The following CCDC169 variants were observed in gnomAD, a reference collection of about 807,000 sequenced individuals.
CCDC169 encodes the protein coiled-coil domain-containing protein 169.
In CCDC169, 30 loss-of-function variants were observed where a neutral mutation model predicts 36.0. The observed-to-expected ratio is 0.83, with a 90% CI of 0.62 to 1.13. CCDC169 has a LOEUF of 1.13. CCDC169 is among the 50% of genes most tolerant of loss of function. The pLI is 0.00. For synonymous variants in CCDC169, 85 were observed against 81.5 expected (o/e 1.04, Z -0.23); for missense variants, 245 against 245.9 (o/e 1.00, Z 0.03).
At chr13:36,223,345 C>A (rs1869709328), downstream of CCDC169, 1 of 152,162 alleles carries the variant, frequency 6.6e-6, no homozygotes, top group South Asian at 2.1e-4. Flanking sequence ...CACCTAATCT[C>A]TGCTTAAGCA....
chr13:36,240,681 A>G, intron 7 of CCDC169: 1 of 1,182,708 alleles, frequency 8.5e-7, no homozygotes, highest in Middle Eastern at 2.3e-4. Flanking sequence ...TCATAAGCAG[A>G]AAAAAATGAG....
chr13:36,248,982 T>C (rs936169465), intron 6 of CCDC169, among the ~76,000 whole-genome samples: 1 of 152,108 alleles, frequency 6.6e-6, no homozygotes, highest in Non-Finnish European at 1.5e-5. Context: ...TAGTAGACAC[T>C]AAATATAGAT....
At chr13:36,232,533 T>G (rs898542509) in intron 7 of CCDC169, among the ~76,000 whole-genome samples, 1 of 152,060 alleles carries the variant, frequency 6.6e-6, no homozygotes, top group Non-Finnish European at 1.5e-5. Flanking sequence ...GGCTCTCACC[T>G]GTAATCCCAG....
intron 7 of CCDC169, among the ~76,000 whole-genome samples, chr13:36,248,196 A>G (rs185553886): frequency 1.8e-4 from 28 of 152,304 alleles, no homozygotes; most frequent in Non-Finnish European, 4.4e-5. Flanking sequence ...AAAAACTTTT[A>G]TATATACTAA....
downstream of CCDC169, chr13:36,225,146 T>G (rs1869799036): frequency 6.6e-6 from 1 of 151,850 alleles, no homozygotes; most frequent in Admixed American, 6.6e-5. Context: ...TACCTCAAGA[T>G]GAATTAAAGA....
At chr13:36,294,295 T>C (rs1269780016) in intron 2 of CCDC169, among the ~76,000 whole-genome samples, 4 of 152,226 alleles carry the variant, frequency 2.6e-5, no homozygotes, top group African/African-American at 9.6e-5. Context: ...CCTGTGAGCA[T>C]GCCTTCTGTT....
chr13:36,280,971 A>G, intron 4 of CCDC169: 1 of 179,322 alleles, frequency 5.6e-6, no homozygotes, highest in Non-Finnish European at 1.2e-5. Context: ...CATATGATAC[A>G]GTTCTAACTC....
At position 36,235,735 on chromosome 13, in the gene CCDC169, A is replaced by G. The variant is rs140352382; in HGVS notation, c.546-4443T>C. On this transcript the variant is annotated intron_variant, in intron 7 of 7. Transcript: ENST00000239859. ...CATGTTCTTATATATAGAAAATACT[A>G]AGGCATACACATTCACATACAGACA... is the stretch of plus-strand genomic sequence containing the variant. Among the ~76,000 whole-genome samples the G allele has an allele frequency of 6.5e-3, 986 of 152,002 alleles. 13 individuals are homozygous for G. The highest frequency in any genetic ancestry group is 0.023 in the African/African-American group (942 of 41,540).
intron 7 of CCDC169, among the ~76,000 whole-genome samples, chr13:36,236,345 A>G (rs1174968865): frequency 2.0e-5 from 3 of 152,208 alleles, no homozygotes; most frequent in East Asian, 1.9e-4. Context: ...GAGTAAACCC[A>G]TATGTTACGG....
intron 7 of CCDC169, among the ~76,000 whole-genome samples, chr13:36,243,845 C>T (rs1268565988): frequency 2.0e-5 from 3 of 152,078 alleles, no homozygotes; most frequent in African/African-American, 4.8e-5. Flanking sequence ...TTCCTACATG[C>T]TGATTCCTAT....
intron 6 of CCDC169, among the ~76,000 whole-genome samples, chr13:36,250,876 T>G (rs1429875176): frequency 1.3e-5 from 2 of 152,114 alleles, no homozygotes; most frequent in Non-Finnish European, 2.9e-5. Flanking sequence ...CAATTAGAAC[T>G]TCCCGATAAT....
At chr13:36,276,309 G>A (rs9547064) in intron 4 of CCDC169, among the ~76,000 whole-genome samples, 5 of 151,816 alleles carry the variant, frequency 3.3e-5, no homozygotes, top group African/African-American at 7.3e-5. Context: ...AATGATTTCC[G>A]TAAGTTTTGG....
intron 2 of CCDC169, among the ~76,000 whole-genome samples, chr13:36,288,069 C>T (rs1241250369): frequency 5.9e-5 from 9 of 151,688 alleles, no homozygotes; most frequent in East Asian, 1.9e-4. Context: ...AGTGCAGTGG[C>T]GCAATCTTGG....
At chr13:36,242,253 C>T (rs1871925157) in intron 7 of CCDC169, among the ~76,000 whole-genome samples, 2 of 152,182 alleles carry the variant, frequency 1.3e-5, no homozygotes, top group African/African-American at 2.4e-5. Context: ...TATTCCTCCA[C>T]ATCCTTGACA....
chr13:36,267,802 A>G (rs967775568), intron 4 of CCDC169, among the ~76,000 whole-genome samples: 3 of 152,210 alleles, frequency 2.0e-5, no homozygotes, highest in African/African-American at 4.8e-5. Flanking sequence ...AGTAGTAGCT[A>G]TTCTTATATC....
chr13:36,266,231 C>G (rs577475035), intron 4 of CCDC169, among the ~76,000 whole-genome samples: 18 of 152,244 alleles, frequency 1.2e-4, no homozygotes, highest in African/African-American at 4.1e-4. Context: ...CTGAACAGCA[C>G]CATTCTTAAT....
intron 4 of CCDC169, among the ~76,000 whole-genome samples, chr13:36,257,081 C>T (rs1167665817): frequency 6.6e-6 from 1 of 151,974 alleles, no homozygotes; most frequent in Admixed American, 6.6e-5. Flanking sequence ...AAGGGCCTAA[C>T]GACCAGGTAG....
At chr13:36,297,269 A>C (rs1879625165) in intron 1 of CCDC169, among the ~76,000 whole-genome samples, 4 of 152,220 alleles carry the variant, frequency 2.6e-5, no homozygotes. Context: ...ATGAAAGAAA[A>C]AAAAAACCCC....
At chr13:36,253,933 T>C (rs1873497247) in intron 5 of CCDC169, 77 bp from the exon 6 acceptor site, 4 of 1,540,552 alleles carry the variant, frequency 2.6e-6, no homozygotes, top group South Asian at 2.5e-5. Context: ...TTAAGGTGTA[T>C]GTCTCTATAG....
Sources: allele counts gnomAD v4.1 joint callset (sites outside exome capture counted in the v4.1 genomes callset), GRCh38; gene constraint gnomAD v4.1.1; transcripts MANE v1.5; gene names NCBI Gene and HGNC (gene_info 2026-07-23, HGNC 2026-07-21).